CFAP54: variants seen among roughly 807,000 people sequenced by gnomAD.
CFAP54 encodes the protein cilia- and flagella-associated protein 54.
A neutral mutation model predicts 370.4 loss-of-function variants in CFAP54; 290 were observed. The ratio of observed to expected loss-of-function variants is 0.78; its 90% confidence interval spans 0.71 to 0.86. The LOEUF (loss-of-function observed/expected upper bound fraction) is 0.86, where lower values mean the gene tolerates loss of function less well. Ranked by LOEUF, CFAP54 falls within the 40% of genes least tolerant of loss-of-function variation. The probability of loss-of-function intolerance (pLI) is 0.00; values close to 1 mark genes in which losing one functional copy is unlikely to be tolerated. For missense variants in CFAP54, 3,399 were observed against 3,528.7 expected (o/e 0.96, Z 0.93); for synonymous variants, 1,206 against 1,236.5 (o/e 0.98, Z 0.52).
rs1035425374 is a variant in CFAP54 at position 96,653,330 on chromosome 12, G to A, written c.5100+1515G>A. Among the ~76,000 whole-genome samples, 8 of 152,216 alleles carry A rather than the reference G, an allele frequency of 5.3e-5. No homozygotes were observed. In the East Asian group the frequency reaches 1.5e-3, roughly 29 times the overall value. On this transcript the variant is annotated intron_variant, in intron 36 of 67. Transcript: ENST00000524981. Reference sequence around the variant, plus strand: ...TAAACCCAGGTGGAATGGAAACAGAGCGTAAGTGCACATGATGTGTTCACT... The same window carrying A: ...TAAACCCAGGTGGAATGGAAACAGAACGTAAGTGCACATGATGTGTTCACT...
chr12:96,842,636 C>G (rs909191292), intron 66 of CFAP54, among the ~76,000 whole-genome samples: 2 of 152,082 alleles, frequency 1.3e-5, no homozygotes, highest in African/African-American at 4.8e-5. Flanking sequence ...TTTATTTTGG[C>G]AACAGAATTA....
At chr12:96,667,106 A>G (rs568984281) in intron 39 of CFAP54, among the ~76,000 whole-genome samples, 1 of 152,326 alleles carries the variant, frequency 6.6e-6, no homozygotes, top group South Asian at 2.1e-4. Flanking sequence ...GGCCATGCTG[A>G]TGCAAGAGGT....
At chr12:96,604,144 G>C (rs1311814466) in intron 26 of CFAP54, among the ~76,000 whole-genome samples, 2 of 152,178 alleles carry the variant, frequency 1.3e-5, no homozygotes, top group African/African-American at 4.8e-5. Flanking sequence ...GTTTTGGTGT[G>C]GATGCCCTTT....
intron 13 of CFAP54, 144 bp downstream of exon 13, chr12:96,538,662 C>A (rs1224098951): frequency 2.6e-6 from 2 of 759,326 alleles, no homozygotes; most frequent in Non-Finnish European, 4.1e-6. Context: ...AGAAGATATT[C>A]TTTCTAGCGC....
intron 66 of CFAP54, among the ~76,000 whole-genome samples, chr12:96,854,312 A>G (rs995821934): frequency 3.3e-5 from 5 of 152,150 alleles, no homozygotes; most frequent in Non-Finnish European, 5.9e-5. Context: ...TTTTCTGAAT[A>G]AAAAATAGTA....
In CFAP54 at chr12:96,669,615, G is replaced by T. The variant is rs572645787; in HGVS notation, c.5563+5683G>T. The stretch of plus-strand genomic sequence containing the variant: ...GAAGGGAGGAGTTCAAGTCGCCTTG[G>T]TTTCTGGCTTGGGTAGCCAGATGGA... On this transcript the variant is annotated intron_variant, in intron 39 of 67. Transcript: ENST00000524981. Among the ~76,000 whole-genome samples, 175 of 152,310 alleles carry T rather than the reference G, an allele frequency of 1.1e-3. 2 individuals carry two copies. The highest frequency in any genetic ancestry group is 3.9e-3 in the African/African-American group (163 of 41,552).
chr12:96,645,212 T>C, intron 33 of CFAP54: 1 of 456,026 alleles, frequency 2.2e-6, no homozygotes. Flanking sequence ...GAGATAAAAA[T>C]AGAAGATACA....
In CFAP54 at chr12:96,764,250, G is replaced by A; in HGVS notation, c.8139+1G>A. The A allele has an allele frequency of 1.2e-6, 2 of 1,607,292 alleles. No homozygotes were observed. The highest frequency in any genetic ancestry group is 1.7e-6 in the Non-Finnish European group (2 of 1,175,692). On this transcript the variant is annotated splice_donor_variant, in intron 59 of 67. Transcript: ENST00000524981. LOFTEE classifies it high-confidence loss of function. ...GATTGCAATAAGAGCTGCTGCACAG[G>A]TTGGTGTGATTTTTGTTTAATCTTT...
chr12:96,619,677 A>G (rs1956463432), intron 26 of CFAP54, among the ~76,000 whole-genome samples: 1 of 152,188 alleles, frequency 6.6e-6, no homozygotes, highest in Non-Finnish European at 1.5e-5. Flanking sequence ...CTAGCATATT[A>G]AAAGAAGGGG....
At chr12:96,548,390 T>TGCC (rs1248933694) in intron 15 of CFAP54, among the ~76,000 whole-genome samples, 1 of 152,150 alleles carries the variant, frequency 6.6e-6, no homozygotes, top group Admixed American at 6.6e-5. Flanking sequence ...TTTAATAACA[T>TGCC]GCCACCCCCC....
At chr12:96,764,341 AG>A (rs1958374957) in intron 59 of CFAP54, 92 bp downstream of exon 59, 2 of 962,212 alleles carry the variant, frequency 2.1e-6, no homozygotes, top group Non-Finnish European at 3.0e-6. Context: ...AAGAGAAAGG[AG>A]TTGGGTGTGA....
intron 4 of CFAP54, among the ~76,000 whole-genome samples, chr12:96,511,081 T>G (rs1356654864): frequency 6.6e-6 from 1 of 152,156 alleles, no homozygotes; most frequent in East Asian, 1.9e-4. Context: ...CCCCAGTGGA[T>G]CTTCAGTGGA....
chr12:96,627,297 A>T (rs1355160121), intron 30 of CFAP54, among the ~76,000 whole-genome samples: 2 of 152,182 alleles, frequency 1.3e-5, no homozygotes, highest in Non-Finnish European at 2.9e-5. Context: ...CTTCTATGGT[A>T]ACAAATAGAG....
chr12:96,814,586 G>A (rs1399460288), intron 64 of CFAP54, among the ~76,000 whole-genome samples: 5 of 152,166 alleles, frequency 3.3e-5, no homozygotes, highest in South Asian at 2.1e-4. Flanking sequence ...TGTACAGAAC[G>A]TGCAGATTTG....
At chr12:96,558,621 A>G (rs1024672264) in intron 17 of CFAP54, among the ~76,000 whole-genome samples, 1 of 152,132 alleles carries the variant, frequency 6.6e-6, no homozygotes, top group African/African-American at 2.4e-5. Flanking sequence ...ACAAACATAC[A>G]CTGGAGAAAA....
At chr12:96,673,394 C>G (rs1397656469) in intron 39 of CFAP54, among the ~76,000 whole-genome samples, 6 of 152,128 alleles carry the variant, frequency 3.9e-5, no homozygotes, top group Admixed American at 2.6e-4. Flanking sequence ...TTTCAGTGGT[C>G]ACTGAAGACA....
intron 66 of CFAP54, among the ~76,000 whole-genome samples, chr12:96,831,743 A>C (rs1266551356): frequency 6.6e-6 from 1 of 152,186 alleles, no homozygotes; most frequent in Non-Finnish European, 1.5e-5. Context: ...GAGTTCTTAC[A>C]GTGCCTTGTA....
chr12:96,827,760 ATAT>A (rs1251229742), intron 65 of CFAP54, among the ~76,000 whole-genome samples: 1 of 114,732 alleles, frequency 8.7e-6, no homozygotes, highest in African/African-American at 3.7e-5. Context: ...ACATAGTAAC[ATAT>A]TATATTATAT....
chr12:96,631,533 A>G (rs1956607635), intron 32 of CFAP54, among the ~76,000 whole-genome samples: 1 of 151,416 alleles, frequency 6.6e-6, no homozygotes, highest in South Asian at 2.1e-4. Context: ...TGTCACTTAT[A>G]CGTAAGTCTA....
Sources: gnomAD v4.1 joint callset for allele counts (sites outside exome capture counted in the v4.1 genomes callset) on GRCh38, gnomAD v4.1.1 for gene constraint, MANE v1.5 for transcripts, NCBI Gene and HGNC (gene_info 2026-07-23, HGNC 2026-07-21) for gene names.